Variants in OTUD7A observed in about 807,000 individuals in gnomAD.
OTUD7A encodes OTU domain-containing protein 7A.
Under a neutral mutation model 65.7 loss-of-function variants are expected in OTUD7A, and 12 were observed. That is an observed-to-expected ratio of 0.18 (90% CI 0.12 to 0.30). The LOEUF is 0.30. Among genes scored for constraint, OTUD7A ranks in the 10% least tolerant of loss-of-function variants. The pLI is 1.00. For synonymous variants in OTUD7A, 641 were observed against 586.3 expected, an observed-to-expected ratio of 1.09 and a Z score of -1.35; for missense variants, 1,148 against 1,304.8, an observed-to-expected ratio of 0.88 and a Z score of 1.85.
rs543241479 is a variant in OTUD7A, at chr15:31,649,505, A to T, written c.151+5591T>A. Among the ~76,000 whole-genome samples, 5 of 152,312 alleles carry T rather than the reference A, an allele frequency of 3.3e-5. No individual in the cohort carries two copies. In the South Asian group the frequency reaches 1.0e-3, roughly 32 times the overall value. On this transcript the variant is annotated intron_variant, in intron 3 of 12. Transcript: ENST00000307050. Reference sequence around the variant, plus strand: ...ACCATGAGGATTTATTTCCCTTTAGACATCTCCCCTCTAAATTCCTACATT... The same window carrying T: ...ACCATGAGGATTTATTTCCCTTTAGTCATCTCCCCTCTAAATTCCTACATT...
intron 3 of OTUD7A, among the ~76,000 whole-genome samples, chr15:31,584,981 T>C (rs571134276): frequency 2.0e-5 from 3 of 152,240 alleles, no homozygotes; most frequent in East Asian, 3.9e-4. Context: ...CACAAATGGG[T>C]TGTGAGTGAG....
chr15:31,729,813 T>C (rs1170841532), intron 1 of OTUD7A, among the ~76,000 whole-genome samples: 7 of 152,156 alleles, frequency 4.6e-5, no homozygotes. Context: ...TTCTTAACCT[T>C]CCTATCCACA....
intron 1 of OTUD7A, among the ~76,000 whole-genome samples, chr15:31,740,174 G>A (rs1167773572): frequency 2.0e-5 from 3 of 152,186 alleles, no homozygotes; most frequent in African/African-American, 4.8e-5. Flanking sequence ...TGGAGGAGGT[G>A]AGCTGGTGAC....
At chr15:31,727,789 T>C (rs74873493) in intron 1 of OTUD7A, among the ~76,000 whole-genome samples, 3,481 of 152,274 alleles carry the variant, frequency 0.023, 162 homozygotes, top group African/African-American at 0.079. Flanking sequence ...TCTCCTCTGT[T>C]GCTGCAATAA....
At chr15:31,779,559 G>A (rs927459347) in intron 1 of OTUD7A, among the ~76,000 whole-genome samples, 3 of 152,186 alleles carry the variant, frequency 2.0e-5, no homozygotes, top group African/African-American at 7.2e-5. Context: ...GAAGCAGGTA[G>A]AAGAAGAAAT....
At chr15:31,528,004 CAG>C (rs2042036848) in intron 6 of OTUD7A, among the ~76,000 whole-genome samples, 1 of 152,234 alleles carries the variant, frequency 6.6e-6, no homozygotes, top group African/African-American at 2.4e-5. Flanking sequence ...AGGGAAAACA[CAG>C]GGGAATCCAT....
intron 5 of OTUD7A, among the ~76,000 whole-genome samples, chr15:31,545,642 G>T (rs79528593): frequency 6.6e-6 from 1 of 151,952 alleles, no homozygotes; most frequent in East Asian, 1.9e-4. Context: ...CCAATAACAT[G>T]AAAAGTACCT....
At chr15:31,569,536 TG>T (rs1476694508) in intron 4 of OTUD7A, among the ~76,000 whole-genome samples, 1 of 152,228 alleles carries the variant, frequency 6.6e-6, no homozygotes, top group Non-Finnish European at 1.5e-5. Context: ...CTGGGAGGTG[TG>T]GAGGCGAATG....
At chr15:31,755,449 C>T (rs1264410701) in intron 1 of OTUD7A, among the ~76,000 whole-genome samples, 6 of 152,242 alleles carry the variant, frequency 3.9e-5, no homozygotes, top group South Asian at 4.1e-4. Context: ...TGGCTGGGCA[C>T]GGCAGCTCAC....
chr15:31,836,316 T>TA (rs1175487444), intron 1 of OTUD7A, among the ~76,000 whole-genome samples: 6 of 152,086 alleles, frequency 3.9e-5, no homozygotes, highest in African/African-American at 1.4e-4. Flanking sequence ...TTTTAGAATC[T>TA]AAAAAAAGGG....
intron 5 of OTUD7A, among the ~76,000 whole-genome samples, chr15:31,541,206 A>AT (rs1887977244): frequency 6.6e-6 from 1 of 152,180 alleles, no homozygotes; most frequent in Non-Finnish European, 1.5e-5. Flanking sequence ...GATAAAAAAG[A>AT]TTTAAAGAAA....
In OTUD7A at chr15:31,480,596, T is replaced by C. The variant is rs897331061; in HGVS notation, c.*2698A>G. Reference sequence around the variant, plus strand: ...CACATGCAGTCAACACAGTTTTTAATAGTTTCTGGCCAGCCTGCTGAAGTT... The same window carrying C: ...CACATGCAGTCAACACAGTTTTTAACAGTTTCTGGCCAGCCTGCTGAAGTT... On this transcript the variant is annotated 3_prime_UTR_variant, in exon 13 of 13. Coordinates refer to ENST00000307050, the MANE Select transcript of OTUD7A (RefSeq NM_001382637.1). The C allele has an allele frequency of 6.6e-6, 1 of 152,262 alleles. No homozygotes were observed. The highest frequency in any genetic ancestry group is 1.5e-5 in the Non-Finnish European group (1 of 68,068). 9.4% of individuals were successfully genotyped at this position (152,262 alleles called of 1,614,324 possible).
At position 31,655,250 on chromosome 15, in the gene OTUD7A, T is replaced by A; in HGVS notation, c.-4A>T. ...TTGGAAGCACACTAGAAACCATCCATCTGCAGGAAAGAAGAGAAAGGGCAT... is the reference window on the plus strand; with the variant it reads ...TTGGAAGCACACTAGAAACCATCCAACTGCAGGAAAGAAGAGAAAGGGCAT... On this transcript the variant is annotated splice_region_variant and 5_prime_UTR_variant, in exon 3 of 13. An upstream start codon of the reference 5' UTR is lost. Transcript: ENST00000307050. 3 of 1,315,004 alleles carry A rather than the reference T, an allele frequency of 2.3e-6. No homozygotes were observed. The highest frequency in any genetic ancestry group is 3.2e-6 in the Non-Finnish European group (3 of 948,998). The allele number at this position is 1,315,004 out of a possible 1,614,324, so 81.5% of individuals were successfully genotyped here. A position where few individuals can be genotyped will look rare whatever the true frequency, so the allele number is the denominator to read the frequency against.
intron 3 of OTUD7A, among the ~76,000 whole-genome samples, chr15:31,582,492 C>G (rs1345153703): frequency 6.6e-6 from 1 of 152,178 alleles, no homozygotes; most frequent in African/African-American, 2.4e-5. Context: ...GTAGAGGAAA[C>G]AGATTTAATT....
At chr15:31,765,681 A>G in intron 1 of OTUD7A, 1 of 788,848 alleles carries the variant, frequency 1.3e-6, no homozygotes, top group Non-Finnish European at 2.0e-6. Flanking sequence ...TTGAGTAGCT[A>G]CATTCTCAGA....
At chr15:31,761,508 A>G (rs1894962186) in intron 1 of OTUD7A, among the ~76,000 whole-genome samples, 1 of 152,212 alleles carries the variant, frequency 6.6e-6, no homozygotes, top group Admixed American at 6.5e-5. Flanking sequence ...GTATAATAAG[A>G]AAGACAAACA....
intron 1 of OTUD7A, among the ~76,000 whole-genome samples, chr15:31,723,946 CTTATT>C (rs1408041237): frequency 1.8e-5 from 2 of 109,310 alleles, no homozygotes; most frequent in Non-Finnish European, 3.8e-5. Flanking sequence ...GGACATCTTT[CTTATT>C]TTGTTTGCCA....
At chr15:31,830,415 T>C (rs151291126) in intron 1 of OTUD7A, among the ~76,000 whole-genome samples, 336 of 152,352 alleles carry the variant, frequency 2.2e-3, no homozygotes, top group Non-Finnish European at 3.9e-3. Context: ...TACAAAGTGC[T>C]TTCACATGCC....
At chr15:31,553,515 G>A (rs1036027028) in intron 5 of OTUD7A, among the ~76,000 whole-genome samples, 3 of 151,974 alleles carry the variant, frequency 2.0e-5, no homozygotes, top group African/African-American at 7.3e-5. Context: ...TGTTCATCTG[G>A]GCAGCAACTT....
Sources: allele counts gnomAD v4.1 joint callset (sites outside exome capture counted in the v4.1 genomes callset), GRCh38; gene constraint gnomAD v4.1.1; transcripts MANE v1.5; gene names NCBI Gene and HGNC (gene_info 2026-07-23, HGNC 2026-07-21).